Variants in USP34 observed in about 807,000 individuals in gnomAD.
USP34 encodes the protein ubiquitin carboxyl-terminal hydrolase 34.
In USP34, 70 loss-of-function variants were observed where a neutral mutation model predicts 460.3. The ratio of observed to expected loss-of-function variants is 0.15; its 90% CI spans 0.13 to 0.19. The LOEUF is 0.19. USP34 is among the 10% of genes least tolerant of loss of function. USP34 has a pLI of 1.00. For synonymous variants in USP34, 1,647 were observed against 1,405.3 expected, an observed-to-expected ratio of 1.17 and a Z score of -3.85; for missense variants, 3,985 against 4,236.2, an observed-to-expected ratio of 0.94 and a Z score of 1.65.
chr2:61,456,782 A>G (rs1695453511), intron 1 of USP34, among the ~76,000 whole-genome samples: 1 of 149,122 alleles, frequency 6.7e-6, no homozygotes, highest in Admixed American at 6.7e-5. Flanking sequence ...GTGGGACCCC[A>G]TCTCAATTTA....
chr2:61,256,159 T>A (rs760345329), intron 48 of USP34, among the ~76,000 whole-genome samples: 2 of 152,206 alleles, frequency 1.3e-5, no homozygotes, highest in Non-Finnish European at 2.9e-5. Context: ...AAATCTATAC[T>A]GTTTCAAGTT....
At position 61,204,357 on chromosome 2, in the gene USP34, A is replaced by G; in HGVS notation, c.9283T>C (p.Cys3095Arg). 2 of 1,614,218 alleles carry G rather than the reference A, an allele frequency of 1.2e-6. No homozygotes were observed. Among genetic ancestry groups the G allele is most frequent in the South Asian group, 1.1e-5 (1 of 91,090 alleles). Residue 3095 changes from cysteine (C) to arginine (R), a missense_variant, in exon 74 of 80, where the codon TGT (cysteine) becomes CGT (arginine). Physicochemically the swap from Cys to Arg is radical, Grantham distance 180 (BLOSUM62 -3). Around this residue, in one of 14 missense-constraint regions of USP34, gnomAD observed 275 missense variants for 292.7 expected, o/e 0.94. Coordinates refer to ENST00000398571, the MANE Select transcript of USP34 (RefSeq NM_014709.4). ...IPMSLGPYFPCRENIKLIGGK... is the reference protein window; with the variant it reads ...IPMSLGPYFPRRENIKLIGGK... ...CCTATTAGCTTGATATTTTCTCGAC[A>G]AGGGAAATAAGGTCCAAGAGACACT...
chr2:61,191,221 CAA>C (rs1419388644), intron 76 of USP34: 1 of 152,386 alleles, frequency 6.6e-6, no homozygotes, highest in East Asian at 1.9e-4. Flanking sequence ...TCAGTGGTCT[CAA>C]TATATGGAAA....
At chr2:61,359,183 A>G (rs1692198419) in intron 10 of USP34, among the ~76,000 whole-genome samples, 2 of 152,234 alleles carry the variant, frequency 1.3e-5, no homozygotes, top group South Asian at 4.1e-4. Flanking sequence ...AAGAAAAAAA[A>G]GAAAAAACAA....
chr2:61,269,681 T>C (rs35233509), intron 41 of USP34, among the ~76,000 whole-genome samples: 3,821 of 152,240 alleles, frequency 0.025, 82 homozygotes, highest in Non-Finnish European at 0.038. Flanking sequence ...TAAAGACCAG[T>C]GCACTCTGCT....
chr2:61,264,045 A>G (rs941087046), intron 43 of USP34, among the ~76,000 whole-genome samples: 1 of 152,206 alleles, frequency 6.6e-6, no homozygotes, highest in Non-Finnish European at 1.5e-5. Flanking sequence ...CTAAAAAGAA[A>G]ACCACTGAAA....
chr2:61,212,002 G>T (rs1478919829), intron 68 of USP34, 73 bp from the exon 69 acceptor site: 33 of 1,444,942 alleles, frequency 2.3e-5, no homozygotes, highest in Non-Finnish European at 3.0e-5. Context: ...TCATTTCTAC[G>T]TTCATTAATC....
intron 74 of USP34, among the ~76,000 whole-genome samples, chr2:61,203,931 T>TAA (rs5831600): frequency 6.1e-4 from 88 of 144,086 alleles, no homozygotes; most frequent in South Asian, 2.6e-3. Flanking sequence ...ATGGCCAAAT[T>TAA]AAAAAAAAAA....
chr2:61,469,179 C>G (rs1418377334), intron 1 of USP34, among the ~76,000 whole-genome samples: 1 of 152,058 alleles, frequency 6.6e-6, no homozygotes, highest in Non-Finnish European at 1.5e-5. Flanking sequence ...TGCCCTCCAG[C>G]TTGGGCAACA....
chr2:61,326,592 A>C (rs1044555998), intron 20 of USP34, among the ~76,000 whole-genome samples: 7 of 152,156 alleles, frequency 4.6e-5, no homozygotes, highest in African/African-American at 1.7e-4. Flanking sequence ...AACTGTGTCT[A>C]TAATATCACA....
At chr2:61,353,511 C>A (rs1218274967) in intron 10 of USP34, among the ~76,000 whole-genome samples, 1 of 151,736 alleles carries the variant, frequency 6.6e-6, no homozygotes, top group Admixed American at 6.6e-5. Flanking sequence ...CATGCCTCAG[C>A]CTCCCAAGTA....
At position 61,188,565 on chromosome 2, in the gene USP34, G is replaced by T. The variant is rs1307928188; in HGVS notation, c.10178C>A (p.Ser3393Tyr). The T allele has an allele frequency of 6.2e-7, 1 of 1,614,062 alleles. No individual in the cohort carries two copies. Among genetic ancestry groups the T allele is most frequent in the Non-Finnish European group, 8.5e-7 (1 of 1,180,036 alleles). Residue 3393 changes from serine (S) to tyrosine (Y), a missense_variant, in exon 80 of 80, where the codon TCC becomes TAC. Ser to Tyr is a moderately radical substitution (Grantham distance 144). Coordinates refer to ENST00000398571, the MANE Select transcript of USP34 (RefSeq NM_014709.4). ...TSTSDNETRD[S>Y]SIIDPGTEQD... ...CTCAGTTCCTGGATCAATAATTGAGGAGTCTCTGGTCTCATTGTCAGAAGT... is the reference window on the plus strand; with the variant it reads ...CTCAGTTCCTGGATCAATAATTGAGTAGTCTCTGGTCTCATTGTCAGAAGT...
chr2:61,210,977 G>A (rs1186617831), intron 69 of USP34, among the ~76,000 whole-genome samples: 1 of 151,908 alleles, frequency 6.6e-6, no homozygotes, highest in Non-Finnish European at 1.5e-5. Context: ...GTAAACTTTG[G>A]GAAAACAATT....
At position 61,256,521 on chromosome 2, in the gene USP34, T is replaced by G. The variant is rs1267778448; in HGVS notation, c.6127-43A>C. ...TTTAAAAGTTTCATATTATTGTTTA[T>G]AGCATGCAAATATACAAAAGGTGGC... On this transcript the variant is annotated intron_variant, in intron 47 of 79. Transcript: ENST00000398571. 3 of 1,445,886 alleles carry G rather than the reference T, an allele frequency of 2.1e-6. No individual in the cohort carries two copies. The African/African-American group carries it at 4.4e-5, about 21-fold the overall frequency. The allele number at this position is 1,445,886 out of a possible 1,614,324, so 89.6% of individuals were successfully genotyped here. A position where few individuals can be genotyped will look rare whatever the true frequency, so the allele number is the denominator to read the frequency against.
In USP34 at chr2:61,350,253, T is replaced by C; in HGVS notation, c.1507+7A>G. The C allele has an allele frequency of 1.3e-6, 2 of 1,596,438 alleles. No homozygotes were observed. The highest frequency in any genetic ancestry group is 8.5e-7 in the Non-Finnish European group (1 of 1,172,400). ...CAATTTACTTCAAAATACATGACATTACTAACCTTTCTTATTTCCAATGGG... is the reference window on the plus strand; with the variant it reads ...CAATTTACTTCAAAATACATGACATCACTAACCTTTCTTATTTCCAATGGG... On this transcript the variant is annotated splice_region_variant and intron_variant, in intron 12 of 79. Transcript: ENST00000398571.
rs1558524154 is a variant in USP34 at position 61,311,817 on chromosome 2, C to T, written c.3636G>A (p.Arg1212=). 6.2e-7 allele frequency: 1 copy of T among 1,613,866 alleles called. No individual in the cohort carries two copies. Among genetic ancestry groups the T allele is most frequent in the Non-Finnish European group, 8.5e-7 (1 of 1,179,950 alleles). Residue 1212 remains arginine (R), a synonymous_variant, in exon 26 of 80, where the codon AGG becomes AGA. Coordinates refer to ENST00000398571, the MANE Select transcript of USP34 (RefSeq NM_014709.4). The stretch of plus-strand genomic sequence containing the variant: ...GAAGTCCAGCTGGCTGGCATACAAC[C>T]CTTAGCGGCAGAGACTGTTTGTCAC... The part of the protein sequence containing the change: ...ALSDKQSLPL[R]VVCQPAGLPD...
At chr2:61,252,831 A>G (rs2103886233) in intron 48 of USP34, among the ~76,000 whole-genome samples, 1 of 152,344 alleles carries the variant, frequency 6.6e-6, no homozygotes, top group Admixed American at 6.5e-5. Flanking sequence ...AAGAGAGATG[A>G]GCAGATCCAG....
At chr2:61,389,432 C>G (rs1290132937) in intron 5 of USP34, among the ~76,000 whole-genome samples, 1 of 151,976 alleles carries the variant, frequency 6.6e-6, no homozygotes, top group Non-Finnish European at 1.5e-5. Context: ...TTAGAATACA[C>G]AGACACAAGT....
Position 61,301,068 on chromosome 2 carries a change from G to A in USP34, c.4011C>T (p.Asp1337=), listed in dbSNP as rs1690203491. Residue 1337 remains aspartate (D), a synonymous_variant, in exon 29 of 80, where the codon GAC becomes GAT. Coordinates refer to ENST00000398571, the MANE Select transcript of USP34 (RefSeq NM_014709.4). ...GTAAAAGCAAAAGCATTGGAATGTT[G>A]TCCTTCTGAGGGGGTGGGAGGCAAG... ...PASCLPPPQK[D]NIPMLLLLQE... The A allele has an allele frequency of 7.4e-6, 12 of 1,614,028 alleles. No individual in the cohort carries two copies. Among genetic ancestry groups the A allele is most frequent in the Non-Finnish European group, 1.0e-5 (12 of 1,179,992 alleles).
Sources: allele counts gnomAD v4.1 joint callset (sites outside exome capture counted in the v4.1 genomes callset), GRCh38; gene constraint gnomAD v4.1.1; regional missense constraint gnomAD v4.1.1; transcripts MANE v1.5; gene names NCBI Gene and HGNC (gene_info 2026-07-23, HGNC 2026-07-21).